The following RELCH variants were observed in gnomAD, a reference collection of about 807,000 sequenced individuals.
RELCH encodes the protein RAB11-binding protein RELCH.
A neutral mutation model predicts 150.3 loss-of-function variants in RELCH; 41 were observed. The observed-to-expected ratio is 0.27, with a 90% CI of 0.21 to 0.35. The LOEUF (loss-of-function observed/expected upper bound fraction) is 0.35. Among genes scored for constraint, RELCH ranks in the 10% least tolerant of loss-of-function variants. RELCH has a pLI of 1.00. For missense variants in RELCH, 1,092 were observed against 1,467.8 expected (o/e 0.74, Z 4.18); for synonymous variants, 478 against 531.8 (o/e 0.90, Z 1.39).
At chr18:62,287,491 A>G in intron 26 of RELCH, 24 bp downstream of exon 26, 2 of 1,191,656 alleles carry the variant, frequency 1.7e-6, no homozygotes, top group Non-Finnish European at 2.5e-6. Flanking sequence ...ATTAAGGTGT[A>G]TCTACATTTA....
intron 1 of RELCH, among the ~76,000 whole-genome samples, chr18:62,207,697 C>T (rs769489682): frequency 3.3e-5 from 5 of 152,172 alleles, no homozygotes; most frequent in Non-Finnish European, 7.4e-5. Context: ...ACCATCAATT[C>T]ACCCTTTTAA....
chr18:62,190,557 A>T (rs2038554458), intron 1 of RELCH, among the ~76,000 whole-genome samples: 1 of 152,202 alleles, frequency 6.6e-6, no homozygotes, highest in African/African-American at 2.4e-5. Context: ...AGCCTGGGCG[A>T]CAGAGCAAGA....
chr18:62,297,339 C>T (rs2045459890), intron 27 of RELCH, among the ~76,000 whole-genome samples: 1 of 152,046 alleles, frequency 6.6e-6, no homozygotes, highest in Admixed American at 6.6e-5. Flanking sequence ...GATTCTAATC[C>T]ACATTTTGGT....
chr18:62,239,330 CTT>C (rs1210862068), intron 10 of RELCH, among the ~76,000 whole-genome samples: 3 of 142,828 alleles, frequency 2.1e-5, no homozygotes, highest in Non-Finnish European at 3.1e-5. Context: ...GGTGAGTAAT[CTT>C]TTTTTTTTTT....
At chr18:62,195,459 G>C (rs1237817064) in intron 1 of RELCH, among the ~76,000 whole-genome samples, 1 of 152,044 alleles carries the variant, frequency 6.6e-6, no homozygotes, top group Non-Finnish European at 1.5e-5. Flanking sequence ...TGCTTTTTCT[G>C]CTTGAAGCAT....
intron 1 of RELCH, among the ~76,000 whole-genome samples, chr18:62,192,478 A>C (rs569365298): frequency 3.2e-4 from 49 of 152,296 alleles, no homozygotes; most frequent in African/African-American, 1.2e-3. Flanking sequence ...TATGTCCTGA[A>C]TGGTATTGCC....
chr18:62,198,478 G>A (rs2039196317), intron 1 of RELCH, among the ~76,000 whole-genome samples: 1 of 152,280 alleles, frequency 6.6e-6, no homozygotes, highest in African/African-American at 2.4e-5. Flanking sequence ...CAGAAATAGT[G>A]TTCATTTGTT....
chr18:62,309,285 C>T lies in RELCH; in HGVS notation c.*3751C>T, dbSNP rs2045953339. 1 of 150,900 alleles carries T rather than the reference C, an allele frequency of 6.6e-6. No homozygotes were observed. The highest frequency in any genetic ancestry group is 2.4e-5 in the African/African-American group (1 of 41,172). The allele number at this position is 150,900 out of a possible 1,614,324, so 9.3% of individuals were successfully genotyped here. On this transcript the variant is annotated 3_prime_UTR_variant, in exon 29 of 29. Transcript: ENST00000644646. ...AAACTACTAATCAAAAATAATGTAT[C>T]AGGTAAGTTTCTGCATATTGGTAAA... is the stretch of plus-strand genomic sequence containing the variant.
In RELCH at chr18:62,221,503, GT is replaced by G. The variant is rs751870357; in HGVS notation, c.858+8del. ...CAGATGAAAACGATGATCAGGTAAA[GT>G]TACTTTTTGTTTTTACAGTGATTTT... On this transcript the variant is annotated splice_region_variant and intron_variant, in intron 5 of 28. Coordinates refer to ENST00000644646, the MANE Select transcript of RELCH (RefSeq NM_001346231.2). 1 of 1,318,652 alleles carries G rather than the reference GT, an allele frequency of 7.6e-7. No homozygotes were observed. Among genetic ancestry groups the G allele is most frequent in the Admixed American group, 2.4e-5 (1 of 41,322 alleles). 81.7% of individuals were successfully genotyped at this position (1,318,652 alleles called of 1,614,324 possible).
In RELCH at chr18:62,268,967, C is replaced by A. The variant is rs372344285; in HGVS notation, c.2760+19C>A. The A allele has an allele frequency of 1.1e-5, 15 of 1,352,870 alleles. No homozygotes were observed. The African/African-American group carries it at 1.9e-4, about 17-fold the overall frequency. The allele number at this position is 1,352,870 out of a possible 1,614,324, so 83.8% of individuals were successfully genotyped here. ...TATTCAGGTAAGGGAAAAATTCTTA[C>A]TCTCTAGTAAAAGGCTTTCCATTTA... On this transcript the variant is annotated intron_variant, in intron 20 of 28. Transcript: ENST00000644646.
intron 22 of RELCH, among the ~76,000 whole-genome samples, chr18:62,277,250 G>T (rs1377427757): frequency 6.6e-6 from 1 of 151,966 alleles, no homozygotes; most frequent in Non-Finnish European, 1.5e-5. Flanking sequence ...GTCAGTGCTG[G>T]TCTGGAAACT....
chr18:62,218,109 G>T (rs1318920818), intron 2 of RELCH, among the ~76,000 whole-genome samples: 1 of 151,822 alleles, frequency 6.6e-6, no homozygotes, highest in Non-Finnish European at 1.5e-5. Context: ...TATGAAAATT[G>T]AAAAGAGAAT....
chr18:62,193,240 A>G (rs2038780848), intron 1 of RELCH, among the ~76,000 whole-genome samples: 1 of 152,166 alleles, frequency 6.6e-6, no homozygotes, highest in African/African-American at 2.4e-5. Flanking sequence ...ACTTTGCTGT[A>G]GTTGCCTATC....
At chr18:62,250,064 A>G (rs1192630765) in intron 11 of RELCH, among the ~76,000 whole-genome samples, 1 of 152,146 alleles carries the variant, frequency 6.6e-6, no homozygotes, top group African/African-American at 2.4e-5. Flanking sequence ...CAATCCTTGT[A>G]CTGTGATTTT....
chr18:62,235,697 C>T (rs750224889), intron 10 of RELCH, among the ~76,000 whole-genome samples: 5 of 151,850 alleles, frequency 3.3e-5, no homozygotes, highest in Non-Finnish European at 7.4e-5. Context: ...ATTTTGTTCT[C>T]TTGGATGGTA....
chr18:62,282,859 T>C (rs568930219), intron 25 of RELCH, among the ~76,000 whole-genome samples: 2 of 152,090 alleles, frequency 1.3e-5, no homozygotes, highest in Non-Finnish European at 2.9e-5. Context: ...GGTTTTGCCA[T>C]GTTGGCCAGG....
chr18:62,200,784 A>G (rs1173748332), intron 1 of RELCH, among the ~76,000 whole-genome samples: 1 of 152,028 alleles, frequency 6.6e-6, no homozygotes, highest in Admixed American at 6.5e-5. Flanking sequence ...GTTTATAAAT[A>G]CAGTGCCCAC....
At chr18:62,298,724 A>G (rs778613926) in intron 27 of RELCH, 66 bp from the exon 28 acceptor site, 3 of 764,846 alleles carry the variant, frequency 3.9e-6, no homozygotes, top group Non-Finnish European at 6.6e-6. Context: ...AAATTAAAAC[A>G]TTAGATTAAA....
rs187301789 is a variant in RELCH, at chr18:62,272,755, G to A, written c.2761-1225G>A. Among the ~76,000 whole-genome samples, 272 of 151,954 alleles carry A rather than the reference G, an allele frequency of 1.8e-3. 1 individual carries two copies. Among genetic ancestry groups the A allele is most frequent in the Non-Finnish European group, 3.2e-3 (215 of 67,868 alleles). On this transcript the variant is annotated intron_variant, in intron 20 of 28. Coordinates refer to ENST00000644646, the MANE Select transcript of RELCH (RefSeq NM_001346231.2). ...AGATTATAGTAAATTTTTAAAAATC[G>A]AAAGAATTCATACTTATTTAGAAGT...
Sources: allele counts gnomAD v4.1 joint callset (sites outside exome capture counted in the v4.1 genomes callset), GRCh38; gene constraint gnomAD v4.1.1; transcripts MANE v1.5; gene names NCBI Gene and HGNC (gene_info 2026-07-23, HGNC 2026-07-21).